Variants in NT5DC3 observed in about 807,000 individuals in gnomAD.
NT5DC3 encodes the protein 5'-nucleotidase domain containing 3.
Under a neutral mutation model 67.8 loss-of-function variants are expected in NT5DC3, and 42 were observed. The observed-to-expected ratio is 0.62, with a 90% CI of 0.48 to 0.80. The LOEUF (loss-of-function observed/expected upper bound fraction) is 0.80. NT5DC3 is among the 30% of genes least tolerant of loss of function. The pLI is 0.00. For synonymous variants in NT5DC3, 237 were observed against 255.6 expected (o/e 0.93, Z 0.69); for missense variants, 570 against 696.4 (o/e 0.82, Z 2.04).
chr12:103,826,001 G>A (rs1365751413), intron 1 of NT5DC3, among the ~76,000 whole-genome samples: 1 of 152,140 alleles, frequency 6.6e-6, no homozygotes, highest in Non-Finnish European at 1.5e-5. Flanking sequence ...AGCAGCAGCT[G>A]GCCCAAAGTC....
chr12:103,762,183 C>A, the NT5DC3 span: 1 of 1,549,518 alleles, frequency 6.5e-7, no homozygotes, highest in Non-Finnish European at 8.7e-7. Context: ...TTTATCCCCA[C>A]TGGCTCCAGA....
chr12:103,796,575 G>C (rs1350064726), intron 6 of NT5DC3, among the ~76,000 whole-genome samples: 1 of 152,182 alleles, frequency 6.6e-6, no homozygotes, highest in Non-Finnish European at 1.5e-5. Flanking sequence ...GGGTGAGTAG[G>C]TACAGGCTGG....
At chr12:103,836,057 G>A (rs1157953308) in intron 1 of NT5DC3, among the ~76,000 whole-genome samples, 3 of 152,154 alleles carry the variant, frequency 2.0e-5, no homozygotes, top group Non-Finnish European at 4.4e-5. Context: ...GCATGGGAAA[G>A]ACCAGCCCCC....
intron 1 of NT5DC3, among the ~76,000 whole-genome samples, chr12:103,834,366 G>A (rs1181450472): frequency 1.3e-5 from 2 of 152,156 alleles, no homozygotes; most frequent in African/African-American, 4.8e-5. Context: ...CCAATTGAGG[G>A]ACATTCTGCA....
intron 6 of NT5DC3, among the ~76,000 whole-genome samples, chr12:103,796,323 C>T (rs933852391): frequency 1.3e-5 from 2 of 152,108 alleles, no homozygotes; most frequent in African/African-American, 4.8e-5. Context: ...TGGAGACTAG[C>T]CTGGCCAACA....
chr12:103,786,662 C>T (rs1885788622), intron 11 of NT5DC3, among the ~76,000 whole-genome samples: 2 of 150,488 alleles, frequency 1.3e-5, no homozygotes, highest in African/African-American at 2.4e-5. Context: ...TTAGGATGCC[C>T]ACCTTCCTCA....
intron 1 of NT5DC3, among the ~76,000 whole-genome samples, chr12:103,817,228 C>T (rs1444149216): frequency 6.6e-6 from 1 of 152,092 alleles, no homozygotes; most frequent in African/African-American, 2.4e-5. Context: ...GGATCAAAGA[C>T]TGAGCAATAG....
chr12:103,752,016 A>G, the NT5DC3 span, among the ~76,000 whole-genome samples: 1 of 152,330 alleles, frequency 6.6e-6, no homozygotes, highest in South Asian at 2.1e-4. Context: ...AACTGCCTTC[A>G]TGATTTGCAG....
chr12:103,838,736 A>G (rs1202744711), intron 1 of NT5DC3, among the ~76,000 whole-genome samples: 3 of 152,204 alleles, frequency 2.0e-5, no homozygotes, highest in Non-Finnish European at 4.4e-5. Context: ...TAAACAAACA[A>G]TTAAACTGTT....
intron 2 of NT5DC3, among the ~76,000 whole-genome samples, chr12:103,808,913 C>T (rs7134701): frequency 0.26 from 39,040 of 152,160 alleles, 5,634 homozygotes; most frequent in East Asian, 0.58. Flanking sequence ...AGACACTTTC[C>T]ATGACTTTCT....
Position 103,840,993 on chromosome 12 carries a change from C to A in NT5DC3, c.164G>T (p.Arg55Leu), listed in dbSNP as rs1283520728. 7.6e-7 allele frequency: 1 copy of A among 1,320,704 alleles called. No homozygotes were observed. The allele number at this position is 1,320,704 out of a possible 1,614,324, so 81.8% of individuals were successfully genotyped here. The change falls in exon 1 of 14, where the codon CGC (arginine) becomes CTC (leucine). Residue 55 changes from arginine (R) to leucine (L), a missense_variant. Coordinates refer to ENST00000392876, the MANE Select transcript of NT5DC3 (RefSeq NM_001031701.3). ...CTCCCGGTAGCGCTCCCACAGGTAG[C>A]GCTTCATGTCCGGGGCGGTCCCGGG... ...TAPGTAPDMK[R>L]YLWERYREAK...
the NT5DC3 span, among the ~76,000 whole-genome samples, chr12:103,759,648 C>G: frequency 6.6e-6 from 1 of 151,896 alleles, no homozygotes; most frequent in African/African-American, 2.4e-5. Flanking sequence ...AACAAGTTAT[C>G]CAGCTTCCCT....
intron 2 of NT5DC3, among the ~76,000 whole-genome samples, chr12:103,812,574 GAATAT>G (rs1380142567): frequency 6.6e-6 from 1 of 151,990 alleles, no homozygotes; most frequent in Non-Finnish European, 1.5e-5. Context: ...TTATTTTCAT[GAATAT>G]TTTATTTGCA....
the NT5DC3 span, among the ~76,000 whole-genome samples, chr12:103,765,098 A>C: frequency 6.6e-6 from 1 of 151,648 alleles, no homozygotes; most frequent in African/African-American, 2.4e-5. Context: ...AAAAAAAAAA[A>C]AAAAAAAAAA....
chr12:103,765,861 C>A (rs1321004879), downstream of NT5DC3, among the ~76,000 whole-genome samples: 4 of 152,164 alleles, frequency 2.6e-5, no homozygotes, highest in African/African-American at 9.6e-5. Context: ...TTCTATTACA[C>A]TCTCTCAGGC....
the NT5DC3 span, chr12:103,757,900 T>A: frequency 0.023 from 10,798 of 464,530 alleles, 503 homozygotes; most frequent in East Asian, 0.092. Context: ...AGACTCGAGA[T>A]TTGATGCACC....
intron 9 of NT5DC3, 179 bp from the exon 10 acceptor site, chr12:103,789,098 G>A (rs1885924368): frequency 1.7e-6 from 1 of 585,406 alleles, no homozygotes; most frequent in Non-Finnish European, 3.1e-6. Flanking sequence ...ATTGTGTGAA[G>A]CCCAGTATCC....
chr12:103,750,663 T>C, the NT5DC3 span: 2 of 1,614,232 alleles, frequency 1.2e-6, no homozygotes, highest in Non-Finnish European at 1.7e-6. Context: ...TGACCGCTGC[T>C]TACAGGACAA....
At chr12:103,791,199 C>T (rs1328826876) in intron 9 of NT5DC3, among the ~76,000 whole-genome samples, 5 of 152,116 alleles carry the variant, frequency 3.3e-5, no homozygotes, top group Non-Finnish European at 7.4e-5. Context: ...AGGGCTGAGA[C>T]ACCCTGCCTG....
Sources: gnomAD v4.1 joint callset for allele counts (sites outside exome capture counted in the v4.1 genomes callset) on GRCh38, gnomAD v4.1.1 for gene constraint, MANE v1.5 for transcripts, NCBI Gene and HGNC (gene_info 2026-07-23, HGNC 2026-07-21) for gene names.